The following ACTL8 variants were observed in gnomAD, a reference collection of about 807,000 sequenced individuals.
The protein encoded by ACTL8 is actin-like protein 8.
In ACTL8, 3 loss-of-function variants were observed where a neutral mutation model predicts 9.3. The observed-to-expected ratio is 0.32, with a 90% CI of 0.15 to 0.83. The LOEUF (loss-of-function observed/expected upper bound fraction) is 0.83, where lower values mean the gene tolerates loss of function less well. ACTL8 is among the 40% of genes least tolerant of loss of function. The pLI, the probability that ACTL8 is intolerant of heterozygous loss-of-function variation, is 0.57. For synonymous variants in ACTL8, 224 were observed against 205.9 expected, an observed-to-expected ratio of 1.09 and a Z score of -0.75; for missense variants, 381 against 492.2, an observed-to-expected ratio of 0.77 and a Z score of 2.14.
At position 17,778,505 on chromosome 1, in the gene ACTL8, C is replaced by A. The variant is rs886682216; in HGVS notation, c.-25+23001C>A. ...ATGTTGTCGGGTGTGGCTCCTGATT[C>A]AGAGAAGGGCCACTTTTGGTGAAGC... is the stretch of plus-strand genomic sequence containing the variant. On this transcript the variant is annotated intron_variant, in intron 1 of 2. Coordinates refer to ENST00000375406, the MANE Select transcript of ACTL8 (RefSeq NM_030812.3). Among the ~76,000 whole-genome samples, 7 of 151,998 alleles carry A rather than the reference C, an allele frequency of 4.6e-5. No homozygotes were observed. In the East Asian group the frequency reaches 1.4e-3, roughly 29 times the overall value.
chr1:17,808,439 T>C (rs964174950), intron 1 of ACTL8, among the ~76,000 whole-genome samples: 2 of 152,238 alleles, frequency 1.3e-5, no homozygotes, highest in African/African-American at 4.8e-5. Flanking sequence ...TAATTAATCA[T>C]GGCAGTGATT....
chr1:17,799,004 A>G (rs752952658), intron 1 of ACTL8, among the ~76,000 whole-genome samples: 3 of 152,220 alleles, frequency 2.0e-5, no homozygotes, highest in Non-Finnish European at 4.4e-5. Flanking sequence ...CCACGGATGC[A>G]TTCCTGGCTC....
intron 1 of ACTL8, among the ~76,000 whole-genome samples, chr1:17,812,596 A>ATTTTT (rs34761963): frequency 2.2e-5 from 3 of 136,274 alleles, no homozygotes; most frequent in Non-Finnish European, 3.2e-5. Context: ...CGCCCTGTCA[A>ATTTTT]TTTTTTTTTT....
intron 1 of ACTL8, among the ~76,000 whole-genome samples, chr1:17,779,307 T>C (rs146024264): frequency 1.3e-5 from 2 of 152,266 alleles, no homozygotes; most frequent in East Asian, 1.9e-4. Flanking sequence ...ACCTTCGCCT[T>C]GTACCTTGCA....
intron 1 of ACTL8, among the ~76,000 whole-genome samples, chr1:17,779,586 C>G (rs1324351933): frequency 2.6e-5 from 4 of 152,196 alleles, no homozygotes; most frequent in Non-Finnish European, 5.9e-5. Context: ...CTTCCCCCTG[C>G]AAAGCGCTAA....
At chr1:17,817,508 T>C (rs182274202) in intron 1 of ACTL8, among the ~76,000 whole-genome samples, 1 of 152,228 alleles carries the variant, frequency 6.6e-6, no homozygotes, top group Non-Finnish European at 1.5e-5. Flanking sequence ...TGAAATACTT[T>C]CTCTGCTCGG....
Position 17,804,695 on chromosome 1 carries a change from C to A in ACTL8, c.-24-18290C>A, listed in dbSNP as rs568808174. ...CCATCTCGGCTCACTGCAACCTCTG[C>A]AACCTCTGCCTCCTGGGTTCAAGCG... On this transcript the variant is annotated intron_variant, in intron 1 of 2. Transcript: ENST00000375406. Among the ~76,000 whole-genome samples the A allele has an allele frequency of 1.4e-4, 21 of 152,098 alleles. No individual in the cohort carries two copies. In the South Asian group the frequency reaches 4.4e-3, roughly 32 times the overall value.
intron 1 of ACTL8, among the ~76,000 whole-genome samples, chr1:17,787,563 G>T (rs112196854): frequency 1.3e-5 from 2 of 152,138 alleles, no homozygotes; most frequent in Non-Finnish European, 2.9e-5. Flanking sequence ...GCCACACCGC[G>T]CCAGGCCTCT....
At chr1:17,804,677 G>A (rs568931486) in intron 1 of ACTL8, among the ~76,000 whole-genome samples, 3 of 150,958 alleles carry the variant, frequency 2.0e-5, no homozygotes, top group African/African-American at 4.9e-5. Flanking sequence ...GTGCCATCTC[G>A]GCTCACTGCA....
chr1:17,793,336 A>G (rs2066254931), intron 1 of ACTL8, among the ~76,000 whole-genome samples: 2 of 152,180 alleles, frequency 1.3e-5, no homozygotes, highest in Non-Finnish European at 1.5e-5. Flanking sequence ...GTGAGCACCT[A>G]CTGTGTGCAC....
chr1:17,769,833 G>C (rs1429247715), intron 1 of ACTL8, among the ~76,000 whole-genome samples: 1 of 152,136 alleles, frequency 6.6e-6, no homozygotes, highest in African/African-American at 2.4e-5. Context: ...TCTGAACTAT[G>C]CTCCAAAATA....
chr1:17,809,434 A>G (rs945540451), intron 1 of ACTL8, among the ~76,000 whole-genome samples: 1 of 152,140 alleles, frequency 6.6e-6, no homozygotes, highest in African/African-American at 2.4e-5. Flanking sequence ...TGAGGAAGGA[A>G]GAAGCAGGCT....
rs114693415 is a variant in ACTL8, at chr1:17,820,929, A to G, written c.-24-2056A>G. Among the ~76,000 whole-genome samples, 48 of 152,190 alleles carry G rather than the reference A, an allele frequency of 3.2e-4. No individual in the cohort carries two copies. In the East Asian group the frequency reaches 5.0e-3, roughly 16 times the overall value. ...CCACCAGCTGTGCATGGGATTTCCA[A>G]TTTCTCCACTTCCTTGTCAGCACTT... On this transcript the variant is annotated intron_variant, in intron 1 of 2. Coordinates refer to ENST00000375406, the MANE Select transcript of ACTL8 (RefSeq NM_030812.3).
intron 1 of ACTL8, among the ~76,000 whole-genome samples, chr1:17,795,151 G>T (rs2066267893): frequency 6.6e-6 from 1 of 152,234 alleles, no homozygotes; most frequent in Non-Finnish European, 1.5e-5. Context: ...CTGTGTAATA[G>T]CTTCCATTCT....
At chr1:17,825,693 T>C (rs1294188759) in intron 2 of ACTL8, 74 bp from the exon 3 acceptor site, 2 of 1,542,328 alleles carry the variant, frequency 1.3e-6, no homozygotes, top group African/African-American at 2.7e-5. Flanking sequence ...AGGATGGGGC[T>C]CTGTGCTGAC....
intron 1 of ACTL8, among the ~76,000 whole-genome samples, chr1:17,806,666 A>G (rs895988495): frequency 2.6e-5 from 4 of 152,222 alleles, no homozygotes; most frequent in African/African-American, 9.6e-5. Context: ...TAGCCAGACA[A>G]AGCCCAGGTG....
rs117673497 is a variant in ACTL8 at position 17,778,688 on chromosome 1, C to T, written c.-25+23184C>T. ...CTACTCCGGGCCTATCTTTCTTCTC[C>T]GTACAAGGAAGAGGACTGACTAGAG... On this transcript the variant is annotated intron_variant, in intron 1 of 2. Coordinates refer to ENST00000375406, the MANE Select transcript of ACTL8 (RefSeq NM_030812.3). Among the ~76,000 whole-genome samples, 292 of 152,250 alleles carry T rather than the reference C, an allele frequency of 1.9e-3. 4 individuals carry two copies. The East Asian group carries it at 0.032, about 17-fold the overall frequency.
chr1:17,826,916 A>G lies in ACTL8; in HGVS notation c.*397A>G, dbSNP rs2053728668. 1 of 157,116 alleles carries G rather than the reference A, an allele frequency of 6.4e-6. No individual in the cohort carries two copies. The highest frequency in any genetic ancestry group is 2.1e-4 in the South Asian group (1 of 4,858). 9.7% of individuals were successfully genotyped at this position (157,116 alleles called of 1,614,324 possible). On this transcript the variant is annotated 3_prime_UTR_variant, in exon 3 of 3. Coordinates refer to ENST00000375406, the MANE Select transcript of ACTL8 (RefSeq NM_030812.3). This position sits in a 1 kb window ranked among gnomAD's most constrained non-coding sequence, Gnocchi z 4.5. The stretch of plus-strand genomic sequence containing the variant: ...CTGCTAGGAGTCCCAATTATTTTTG[A>G]CTAGGGGATGGGGGACAGTTGACAT...
At chr1:17,782,528 C>T (rs1453941698) in intron 1 of ACTL8, among the ~76,000 whole-genome samples, 4 of 152,126 alleles carry the variant, frequency 2.6e-5, no homozygotes, top group Non-Finnish European at 5.9e-5. Context: ...CCTTCTGAAC[C>T]TTCTTCTCTG....
Sources: gnomAD v4.1 joint callset for allele counts (sites outside exome capture counted in the v4.1 genomes callset) on GRCh38, gnomAD v4.1.1 for gene constraint, Gnocchi (gnomAD v3.1) non-coding constraint, MANE v1.5 for transcripts, NCBI Gene and HGNC (gene_info 2026-07-23, HGNC 2026-07-21) for gene names.